The following BCKDHB variants were observed in gnomAD, a reference collection of about 807,000 sequenced individuals.
BCKDHB encodes 2-oxoisovalerate dehydrogenase subunit beta, mitochondrial.
BCKDHB carries 41 observed loss-of-function variants against 48.5 expected under a neutral mutation model. The observed-to-expected ratio is 0.85, with a 90% CI of 0.66 to 1.10. BCKDHB has a LOEUF of 1.10. Ranked by LOEUF, BCKDHB falls within the 50% of genes least tolerant of loss-of-function variation. The pLI, the probability that BCKDHB is intolerant of heterozygous loss-of-function variation, is 0.00. For synonymous variants in BCKDHB, 201 were observed against 174.8 expected, an observed-to-expected ratio of 1.15 and a Z score of -1.18; for missense variants, 496 against 494.2, an observed-to-expected ratio of 1.00 and a Z score of -0.03.
chr6:80,269,439 G>T (rs1159612421), intron 8 of BCKDHB, among the ~76,000 whole-genome samples: 1 of 152,066 alleles, frequency 6.6e-6, no homozygotes, highest in Non-Finnish European at 1.5e-5. Context: ...TTGTTCCTTT[G>T]CAGGGAACAA....
At chr6:80,134,021 CTG>C (rs1491220378) in intron 3 of BCKDHB, among the ~76,000 whole-genome samples, 1 of 151,932 alleles carries the variant, frequency 6.6e-6, no homozygotes. Flanking sequence ...TTGTCATTCT[CTG>C]AGAGAGAGAG....
At chr6:80,226,872 A>T (rs1775702515) in intron 8 of BCKDHB, among the ~76,000 whole-genome samples, 1 of 152,168 alleles carries the variant, frequency 6.6e-6, no homozygotes, top group Admixed American at 6.5e-5. Context: ...TCTGGTTATG[A>T]GCTCTGAGGC....
chr6:80,108,221 A>G (rs1189662986), intron 1 of BCKDHB, among the ~76,000 whole-genome samples: 2 of 152,030 alleles, frequency 1.3e-5, no homozygotes, highest in Non-Finnish European at 2.9e-5. Context: ...ATTCTAAACA[A>G]TGTACTAAGA....
At chr6:80,459,355 T>A in the BCKDHB span, among the ~76,000 whole-genome samples, 1 of 152,072 alleles carries the variant, frequency 6.6e-6, no homozygotes, top group East Asian at 1.9e-4. Context: ...TTGAGAACAT[T>A]TAGCAAAATA....
chr6:80,190,661 T>G (rs1320489980), intron 6 of BCKDHB, among the ~76,000 whole-genome samples: 2 of 152,238 alleles, frequency 1.3e-5, no homozygotes, highest in East Asian at 3.8e-4. Flanking sequence ...TTTTATTTCA[T>G]AAAAGGTGAC....
intron 1 of BCKDHB, among the ~76,000 whole-genome samples, chr6:80,127,077 A>C (rs565228307): frequency 1.2e-4 from 19 of 152,308 alleles, no homozygotes; most frequent in African/African-American, 4.6e-4. Context: ...AAACTCCAGC[A>C]GTTCCGGGTA....
intron 5 of BCKDHB, 54 bp from the exon 6 acceptor site, chr6:80,171,228 G>C: frequency 9.5e-7 from 1 of 1,047,978 alleles, no homozygotes; most frequent in East Asian, 2.4e-5. Context: ...TTAGCAGCGA[G>C]TTTACTGGGA....
Position 80,168,901 on chromosome 6 carries a change from C to A in BCKDHB, c.504C>A (p.Arg168=), listed in dbSNP as rs770906360. 1 of 1,614,126 alleles carries A rather than the reference C, an allele frequency of 6.2e-7. No homozygotes were observed. Among genetic ancestry groups the A allele is most frequent in the Non-Finnish European group, 8.5e-7 (1 of 1,180,014 alleles). ...DQIVNEAAKY[R]YRSGDLFNCG... ...TTGTTAATGAAGCTGCCAAGTATCGCTATCGCTCTGGGGATCTTTTTAACT... is the reference window on the plus strand; with the variant it reads ...TTGTTAATGAAGCTGCCAAGTATCGATATCGCTCTGGGGATCTTTTTAACT... The change falls in exon 5 of 10, where the codon CGC becomes CGA. Residue 168 remains arginine (R), a synonymous_variant. Coordinates refer to ENST00000320393, the MANE Select transcript of BCKDHB (RefSeq NM_183050.4).
At chr6:80,338,765 A>G (rs998790864) in intron 9 of BCKDHB, among the ~76,000 whole-genome samples, 2 of 152,230 alleles carry the variant, frequency 1.3e-5, no homozygotes, top group African/African-American at 4.8e-5. Flanking sequence ...ATGACATGTC[A>G]GGCATGAAAC....
the BCKDHB span, among the ~76,000 whole-genome samples, chr6:80,404,056 T>G: frequency 6.6e-6 from 1 of 151,966 alleles, no homozygotes; most frequent in South Asian, 2.1e-4. Flanking sequence ...GTAATGTGCT[T>G]ATCTGGGTTT....
At chr6:80,294,169 G>A (rs955252192) in intron 9 of BCKDHB, among the ~76,000 whole-genome samples, 5 of 152,204 alleles carry the variant, frequency 3.3e-5, no homozygotes, top group East Asian at 1.9e-4. Context: ...TGGAGGGACC[G>A]GCTGGAGCTG....
At chr6:80,146,806 C>T (rs925489586) in intron 3 of BCKDHB, among the ~76,000 whole-genome samples, 15 of 152,020 alleles carry the variant, frequency 9.9e-5, no homozygotes, top group African/African-American at 2.9e-4. Flanking sequence ...CCCTCTACCA[C>T]CTGGAAGAAT....
chr6:80,312,842 T>G (rs1029838495), intron 9 of BCKDHB, among the ~76,000 whole-genome samples: 7 of 152,226 alleles, frequency 4.6e-5, no homozygotes, highest in Non-Finnish European at 1.0e-4. Flanking sequence ...CAGCATTTTA[T>G]TGAGGATGTT....
chr6:80,376,962 G>A, the BCKDHB span, among the ~76,000 whole-genome samples: 2 of 151,680 alleles, frequency 1.3e-5, no homozygotes, highest in Non-Finnish European at 2.9e-5. Flanking sequence ...TCAGATATAT[G>A]ATCTGAAAGT....
chr6:80,449,428 C>T, the BCKDHB span, among the ~76,000 whole-genome samples: 1 of 151,924 alleles, frequency 6.6e-6, no homozygotes, highest in East Asian at 1.9e-4. Flanking sequence ...GCTGTTGGAG[C>T]TTATATTCCA....
At chr6:80,423,835 A>T in the BCKDHB span, among the ~76,000 whole-genome samples, 1 of 152,140 alleles carries the variant, frequency 6.6e-6, no homozygotes, top group Non-Finnish European at 1.5e-5. Context: ...GCCTCAGAAG[A>T]TGTGCTGCAT....
chr6:80,217,614 T>A (rs1372249426), intron 8 of BCKDHB, among the ~76,000 whole-genome samples: 1 of 152,202 alleles, frequency 6.6e-6, no homozygotes, highest in Non-Finnish European at 1.5e-5. Context: ...CAAAGTATCA[T>A]CTTCCTTCCC....
At chr6:80,109,565 T>C (rs1769308652) in intron 1 of BCKDHB, among the ~76,000 whole-genome samples, 1 of 152,232 alleles carries the variant, frequency 6.6e-6, no homozygotes. Context: ...ATTAGGTGTG[T>C]TCATGTACAC....
chr6:80,366,620 C>G, the BCKDHB span, among the ~76,000 whole-genome samples: 4 of 152,308 alleles, frequency 2.6e-5, no homozygotes, highest in South Asian at 8.3e-4. Flanking sequence ...CCCATTTTCT[C>G]ATTTCATAGT....
Sources: gnomAD v4.1 joint callset for allele counts (sites outside exome capture counted in the v4.1 genomes callset) on GRCh38, gnomAD v4.1.1 for gene constraint, MANE v1.5 for transcripts, NCBI Gene and HGNC (gene_info 2026-07-23, HGNC 2026-07-21) for gene names.